The following PLB1 variants were observed in gnomAD, a reference collection of about 807,000 sequenced individuals.
The protein encoded by PLB1 is phospholipase B1, membrane-associated.
In PLB1, 242 loss-of-function variants were observed where a neutral mutation model predicts 227.4. The ratio of observed to expected loss-of-function variants is 1.06; its 90% CI spans 0.96 to 1.18. The LOEUF (loss-of-function observed/expected upper bound fraction) is 1.18. PLB1 is among the 50% of genes most tolerant of loss of function. The pLI is 0.00. For missense variants in PLB1, 1,858 were observed against 1,816.3 expected, an observed-to-expected ratio of 1.02 and a Z score of -0.42; for synonymous variants, 757 against 682.2, an observed-to-expected ratio of 1.11 and a Z score of -1.71.
chr2:28,519,230 G>A (rs545264487), intron 3 of PLB1, among the ~76,000 whole-genome samples: 11 of 152,312 alleles, frequency 7.2e-5, no homozygotes, highest in Admixed American at 7.2e-4. Context: ...TTTGCATACA[G>A]CTTGCATCTG....
rs1000239303 is a variant in PLB1, at chr2:28,562,072, G to T, written c.1148-969G>T. ...GCAAGTTTTTGGTTACTAAGGACTG[G>T]GAGGAGGGAGAAATGGAGAGTGACC... On this transcript the variant is annotated intron_variant, in intron 17 of 57. Coordinates refer to ENST00000327757, the MANE Select transcript of PLB1 (RefSeq NM_153021.5). 5.3e-5 allele frequency among the ~76,000 whole-genome samples: 8 copies of T among 152,252 alleles called. No individual in the cohort carries two copies. In the East Asian group the frequency reaches 1.5e-3, roughly 29 times the overall value.
rs188913825 is a variant in PLB1, at chr2:28,546,708, A to G, written c.937-2152A>G. On this transcript the variant is annotated intron_variant, in intron 14 of 57. Transcript: ENST00000327757. ...GTAAAGGGAATGAATGGAAGCAAGG[A>G]GGATGGAGGGGACTCCTAAAGGGAC... 7.2e-5 allele frequency among the ~76,000 whole-genome samples: 11 copies of G among 152,274 alleles called. 1 individual carries two copies. The East Asian group carries it at 1.5e-3, about 21-fold the overall frequency.
At chr2:28,625,585 A>G (rs1160137185) in intron 50 of PLB1, among the ~76,000 whole-genome samples, 1 of 151,960 alleles carries the variant, frequency 6.6e-6, no homozygotes, top group Non-Finnish European at 1.5e-5. Context: ...GAGGTGGCCA[A>G]GTGGAAAGCC....
intron 21 of PLB1, among the ~76,000 whole-genome samples, chr2:28,574,294 G>A (rs1356450691): frequency 6.6e-6 from 1 of 151,330 alleles, no homozygotes; most frequent in East Asian, 1.9e-4. Context: ...CCTGTCACCT[G>A]AGCAGTGTAC....
intron 17 of PLB1, among the ~76,000 whole-genome samples, chr2:28,559,510 C>T (rs1319528870): frequency 6.6e-6 from 1 of 152,164 alleles, no homozygotes; most frequent in East Asian, 1.9e-4. Context: ...GAGTGGCTCT[C>T]CCCATTGCAG....
intron 1 of PLB1, among the ~76,000 whole-genome samples, chr2:28,499,705 G>A (rs1271390844): frequency 6.6e-6 from 1 of 152,052 alleles, no homozygotes; most frequent in Non-Finnish European, 1.5e-5. Context: ...CACCAACATG[G>A]TGAAACCCTA....
intron 51 of PLB1, among the ~76,000 whole-genome samples, chr2:28,628,192 A>T (rs1688071387): frequency 6.6e-6 from 1 of 152,176 alleles, no homozygotes; most frequent in African/African-American, 2.4e-5. Context: ...CCAAAGGAAA[A>T]AGGAAGTGTG....
At chr2:28,517,030 T>C (rs908593708) in intron 2 of PLB1, among the ~76,000 whole-genome samples, 161 bp downstream of exon 2, 6 of 152,100 alleles carry the variant, frequency 3.9e-5, no homozygotes, top group African/African-American at 1.4e-4. Flanking sequence ...ACAGCCGGGG[T>C]GTCCGGCAGA....
chr2:28,576,449 G>A (rs1678953590), intron 21 of PLB1, among the ~76,000 whole-genome samples: 1 of 152,208 alleles, frequency 6.6e-6, no homozygotes, highest in African/African-American at 2.4e-5. Context: ...CTGAGCTTCA[G>A]CCAGGCACAG....
chr2:28,641,152 C>G, intron 57 of PLB1, 151 bp downstream of exon 57: 1 of 726,340 alleles, frequency 1.4e-6, no homozygotes, highest in South Asian at 2.1e-5. Context: ...GTCCCCAGTG[C>G]CACGGAAACT....
chr2:28,543,995 T>C (rs1672868389), intron 14 of PLB1, among the ~76,000 whole-genome samples: 1 of 152,232 alleles, frequency 6.6e-6, no homozygotes. Flanking sequence ...TGCCATTTAT[T>C]TTCTTCCCAC....
At chr2:28,519,014 G>T (rs1268009099) in intron 3 of PLB1, among the ~76,000 whole-genome samples, 1 of 152,168 alleles carries the variant, frequency 6.6e-6, no homozygotes, top group Non-Finnish European at 1.5e-5. Context: ...TTCCAGTTAA[G>T]CATGCTATTC....
intron 8 of PLB1, among the ~76,000 whole-genome samples, chr2:28,531,575 T>G (rs1045527597): frequency 2.6e-5 from 4 of 152,212 alleles, no homozygotes; most frequent in Admixed American, 2.0e-4. Context: ...CCTCCCAAAG[T>G]GCTGGGATTA....
intron 2 of PLB1, among the ~76,000 whole-genome samples, 165 bp downstream of exon 2, chr2:28,517,034 C>T (rs758671405): frequency 7.9e-5 from 12 of 152,144 alleles, no homozygotes; most frequent in Non-Finnish European, 1.3e-4. Context: ...CCGGGGTGTC[C>T]GGCAGAGTGT....
intron 14 of PLB1, chr2:28,548,426 C>T (rs1299806514): frequency 5.3e-6 from 2 of 374,104 alleles, no homozygotes; most frequent in African/African-American, 2.1e-5. Context: ...GATAACCGGC[C>T]CCCACGTGAT....
Position 28,620,219 on chromosome 2 carries a change from C to T in PLB1, c.3316-46C>T, listed in dbSNP as rs763432608. On this transcript the variant is annotated intron_variant, in intron 46 of 57. Transcript: ENST00000327757. ...GGGCCAGAGGAGGCTCTTCCAGTGC[C>T]CTCAGCCTATACCCCAGCCCTGAAC... is the stretch of plus-strand genomic sequence containing the variant. 7.7e-6 allele frequency: 11 copies of T among 1,419,386 alleles called. No individual in the cohort carries two copies. In the South Asian group the frequency reaches 8.2e-5, roughly 11 times the overall value. The allele number at this position is 1,419,386 out of a possible 1,614,324, so 87.9% of individuals were successfully genotyped here.
intron 36 of PLB1, 152 bp downstream of exon 36, chr2:28,601,012 G>A (rs1169131423): frequency 1.3e-6 from 1 of 783,366 alleles, no homozygotes; most frequent in Non-Finnish European, 2.1e-6. Context: ...GAGGTCCTGT[G>A]GAGGAGGGTA....
Position 28,592,702 on chromosome 2 carries a change from C to T in PLB1, c.2230C>T (p.Leu744=). 1 of 1,614,102 alleles carries T rather than the reference C, an allele frequency of 6.2e-7. No individual in the cohort carries two copies. The highest frequency in any genetic ancestry group is 1.3e-5 in the African/African-American group (1 of 75,026). The change falls in exon 32 of 58, where the codon CTG becomes TTG. Residue 744 remains leucine, a synonymous_variant. Coordinates refer to ENST00000327757, the MANE Select transcript of PLB1 (RefSeq NM_153021.5). ...TGCAGACATCCAAGTTGTGGCTGCT[C>T]TGGGGGATTCTCTGACCGTAAGGAC... ...RPADIQVVAA[L]GDSLTAGNGI...
At chr2:28,518,147 G>A (rs1669070681) in intron 2 of PLB1, among the ~76,000 whole-genome samples, 1 of 152,176 alleles carries the variant, frequency 6.6e-6, no homozygotes, top group Non-Finnish European at 1.5e-5. Flanking sequence ...CTGCCAAACT[G>A]TTGGGATTAT....
Sources: gnomAD v4.1 joint callset for allele counts (sites outside exome capture counted in the v4.1 genomes callset) on GRCh38, gnomAD v4.1.1 for gene constraint, MANE v1.5 for transcripts, NCBI Gene and HGNC (gene_info 2026-07-23, HGNC 2026-07-21) for gene names.